Variants in ADGRV1 observed in about 807,000 individuals in gnomAD.
ADGRV1 encodes the protein G-protein coupled receptor 98.
In ADGRV1, 359 loss-of-function variants were observed where a neutral mutation model predicts 596.2. That is an observed-to-expected ratio of 0.60 (90% CI 0.55 to 0.66). The LOEUF (loss-of-function observed/expected upper bound fraction) is 0.66, where lower values mean the gene tolerates loss of function less well. Among genes scored for constraint, ADGRV1 ranks in the 30% least tolerant of loss-of-function variants. The pLI is 0.00. For synonymous variants in ADGRV1, 2,681 were observed against 2,679.2 expected (o/e 1.00, Z -0.02); for missense variants, 7,274 against 7,575.6 (o/e 0.96, Z 1.48).
At position 91,078,405 on chromosome 5, in the gene ADGRV1, G is replaced by A. The variant is rs1581987646; in HGVS notation, c.18310+5801G>A. Reference sequence around the variant, plus strand: ...AACTGTGTTTCAGTCTCCAAAGATGGCTGCCATCAGTTACTTTTCTCCTTT... The same window carrying A: ...AACTGTGTTTCAGTCTCCAAAGATGACTGCCATCAGTTACTTTTCTCCTTT... On this transcript the variant is annotated intron_variant, in intron 86 of 89. Coordinates refer to ENST00000405460, the MANE Select transcript of ADGRV1 (RefSeq NM_032119.4). 2.0e-5 allele frequency among the ~76,000 whole-genome samples: 3 copies of A among 152,212 alleles called. No homozygotes were observed. In the Middle Eastern group the frequency reaches 0.01, roughly 518 times the overall value.
At chr5:91,007,946 A>T (rs568833529) in intron 85 of ADGRV1, among the ~76,000 whole-genome samples, 3 of 152,084 alleles carry the variant, frequency 2.0e-5, no homozygotes, top group East Asian at 3.9e-4. Flanking sequence ...CTGCCAAATG[A>T]TTTTTTACTC....
intron 83 of ADGRV1, among the ~76,000 whole-genome samples, chr5:90,868,249 T>A (rs1023446618): frequency 1.3e-5 from 2 of 152,100 alleles, no homozygotes; most frequent in African/African-American, 4.8e-5. Flanking sequence ...ATCAAGCTAT[T>A]TTTCTTAGTA....
At chr5:90,600,345 C>T (rs1476466734) in intron 1 of ADGRV1, among the ~76,000 whole-genome samples, 1 of 152,118 alleles carries the variant, frequency 6.6e-6, no homozygotes. Context: ...TGATATTCCC[C>T]ACCCTGTGTC....
chr5:91,079,579 A>G (rs374914356), intron 86 of ADGRV1, among the ~76,000 whole-genome samples: 41 of 152,336 alleles, frequency 2.7e-4, no homozygotes, highest in African/African-American at 8.2e-4. Context: ...CATCATCATG[A>G]AAAGTAAAAA....
chr5:91,097,614 G>A (rs1199049576), intron 86 of ADGRV1, among the ~76,000 whole-genome samples: 2 of 152,238 alleles, frequency 1.3e-5, no homozygotes, highest in Non-Finnish European at 2.9e-5. Context: ...TGGATCGTAT[G>A]GTAACTCTGT....
At chr5:90,922,231 A>G (rs1773947577) in intron 83 of ADGRV1, among the ~76,000 whole-genome samples, 1 of 152,054 alleles carries the variant, frequency 6.6e-6, no homozygotes, top group African/African-American at 2.4e-5. Flanking sequence ...GACTGATTAT[A>G]TTTTCTTCTT....
At chr5:90,773,506 A>C (rs1474827800) in intron 59 of ADGRV1, among the ~76,000 whole-genome samples, 1 of 152,178 alleles carries the variant, frequency 6.6e-6, no homozygotes, top group Admixed American at 6.5e-5. Flanking sequence ...TATGAGAAAG[A>C]AGTATAAAAT....
chr5:91,081,474 G>A (rs952612258), intron 86 of ADGRV1, among the ~76,000 whole-genome samples: 1 of 152,040 alleles, frequency 6.6e-6, no homozygotes, highest in Non-Finnish European at 1.5e-5. Context: ...ACAATCATTA[G>A]GCTATAGAAT....
chr5:90,627,945 C>T, intron 7 of ADGRV1, 169 bp downstream of exon 7: 1 of 440,654 alleles, frequency 2.3e-6, no homozygotes. Flanking sequence ...CACACACACA[C>T]ACACACACAC....
At chr5:91,066,120 C>G (rs1175980046) in intron 85 of ADGRV1, among the ~76,000 whole-genome samples, 3 of 152,226 alleles carry the variant, frequency 2.0e-5, no homozygotes, top group African/African-American at 4.8e-5. Context: ...CTCATTTTCT[C>G]TTCTCATATC....
At chr5:90,569,358 T>G (rs1482937228) in intron 1 of ADGRV1, among the ~76,000 whole-genome samples, 2 of 12,366 alleles carry the variant, frequency 1.6e-4, no homozygotes. Flanking sequence ...TTGCATGATA[T>G]ATATATATAT....
At chr5:91,087,242 GGTATATACAA>G (rs1413913288) in intron 86 of ADGRV1, among the ~76,000 whole-genome samples, 1 of 151,630 alleles carries the variant, frequency 6.6e-6, no homozygotes, top group Non-Finnish European at 1.5e-5. Flanking sequence ...TTTCTTATAG[GGTATATACAA>G]ATATATATGT....
intron 84 of ADGRV1, among the ~76,000 whole-genome samples, chr5:90,975,912 A>G (rs1188328362): frequency 1.3e-5 from 2 of 151,934 alleles, no homozygotes. Flanking sequence ...TGACAGTAAG[A>G]ATTTAAAATC....
chr5:90,759,738 G>A, intron 58 of ADGRV1, 150 bp downstream of exon 58: 1 of 673,858 alleles, frequency 1.5e-6, no homozygotes, highest in Non-Finnish European at 2.7e-6. Context: ...GGCCGCAGCG[G>A]GCAGATCACG....
At chr5:91,017,451 T>C (rs1444017520) in intron 85 of ADGRV1, among the ~76,000 whole-genome samples, 1 of 151,906 alleles carries the variant, frequency 6.6e-6, no homozygotes, top group Non-Finnish European at 1.5e-5. Context: ...TCAAGTTGTT[T>C]ATATTGTGCT....
chr5:91,072,321 CA>C, intron 85 of ADGRV1, 125 bp from the exon 86 acceptor site: 1 of 864,692 alleles, frequency 1.2e-6, no homozygotes, highest in Non-Finnish European at 1.9e-6. Flanking sequence ...TTTGGCAAAC[CA>C]AAAATCTGAT....
rs1761506934 is a variant in ADGRV1 at position 90,802,751 on chromosome 5, C to G, written c.14530C>G (p.Leu4844Val). The G allele has an allele frequency of 6.2e-7, 1 of 1,611,556 alleles. No homozygotes were observed. The highest frequency in any genetic ancestry group is 8.5e-7 in the Non-Finnish European group (1 of 1,178,712). Residue 4844 changes from leucine (L) to valine (V), a missense_variant, in exon 71 of 90, where the codon CTG becomes GTG. This residue lies in a region of ADGRV1 where 1,874 missense variants were observed against 1,970.2 expected (regional missense o/e 0.95). Coordinates refer to ENST00000405460, the MANE Select transcript of ADGRV1 (RefSeq NM_032119.4). ...VPIKNQVFLS[L>V]GSNFTLQLVT... ...TGTTTGTTTATAGGTCTTCCTATCA[C>G]TGGGCTCTAATTTCACTTTGCAACT...
At chr5:90,653,138 CTT>C (rs1768884272) in intron 19 of ADGRV1, 69 bp from the exon 20 acceptor site, 1 of 1,366,608 alleles carries the variant, frequency 7.3e-7, no homozygotes, top group African/African-American at 1.5e-5. Flanking sequence ...TAAACAAATT[CTT>C]TTTTCTTCAC....
chr5:90,737,695 C>T (rs560025146), intron 50 of ADGRV1, among the ~76,000 whole-genome samples: 2 of 151,902 alleles, frequency 1.3e-5, no homozygotes, highest in East Asian at 3.9e-4. Context: ...TTCTTTGTCC[C>T]TTTTTATAGT....
Sources: allele counts gnomAD v4.1 joint callset (sites outside exome capture counted in the v4.1 genomes callset), GRCh38; gene constraint gnomAD v4.1.1; regional missense constraint gnomAD v4.1.1; transcripts MANE v1.5; gene names NCBI Gene and HGNC (gene_info 2026-07-23, HGNC 2026-07-21).